Variants in FHIT observed in about 807,000 individuals in gnomAD.
FHIT encodes fragile histidine triad diadenosine triphosphatase.
In FHIT, 19 loss-of-function variants were observed where a neutral mutation model predicts 17.9. The ratio of observed to expected loss-of-function variants is 1.06; its 90% CI spans 0.74 to 1.56. FHIT has a LOEUF of 1.56. Ranked by LOEUF, FHIT falls within the 40% of genes most tolerant of loss-of-function variation. The pLI is 0.00. For synonymous variants in FHIT, 81 were observed against 69.7 expected (o/e 1.16, Z -0.81); for missense variants, 248 against 189.2 (o/e 1.31, Z -1.82).
At chr3:60,568,785 G>T (rs1272565223) in intron 4 of FHIT, among the ~76,000 whole-genome samples, 1 of 151,932 alleles carries the variant, frequency 6.6e-6, no homozygotes, top group Non-Finnish European at 1.5e-5. Context: ...TCATCTTTTT[G>T]AATTCGATCT....
chr3:60,391,190 A>C (rs1052590955), intron 5 of FHIT, among the ~76,000 whole-genome samples: 138 of 92,920 alleles, frequency 1.5e-3, no homozygotes, highest in Non-Finnish European at 2.4e-3. Flanking sequence ...CGTCTGACAA[A>C]ACAAAACAAA....
intron 8 of FHIT, among the ~76,000 whole-genome samples, chr3:59,810,860 A>C (rs1700385081): frequency 6.6e-6 from 1 of 152,196 alleles, no homozygotes; most frequent in Admixed American, 6.5e-5. Flanking sequence ...AATAAGACTG[A>C]GTCAGGTTTT....
chr3:60,937,618 C>A (rs963213307), intron 3 of FHIT, among the ~76,000 whole-genome samples: 2 of 133,282 alleles, frequency 1.5e-5, no homozygotes. Context: ...GGCTGGAGTG[C>A]AATGGTGAGG....
intron 5 of FHIT, among the ~76,000 whole-genome samples, chr3:60,124,043 G>A (rs1205662291): frequency 8.7e-6 from 1 of 115,504 alleles, no homozygotes; most frequent in Admixed American, 8.6e-5. Context: ...GAGAGAGAGA[G>A]AGAGAGAGAG....
At chr3:60,521,309 A>G (rs201233082) in intron 5 of FHIT, among the ~76,000 whole-genome samples, 67 of 152,080 alleles carry the variant, frequency 4.4e-4, no homozygotes, top group South Asian at 1.2e-3. Context: ...GTGCAATGGC[A>G]TGATCTCGGC....
chr3:60,733,879 G>C (rs1177086303), intron 4 of FHIT, among the ~76,000 whole-genome samples: 4 of 152,118 alleles, frequency 2.6e-5, no homozygotes, highest in African/African-American at 9.7e-5. Context: ...GTCTTGCTAG[G>C]ATAGAAGTTT....
chr3:60,558,897 A>G (rs1168524920), intron 4 of FHIT, among the ~76,000 whole-genome samples: 1 of 152,192 alleles, frequency 6.6e-6, no homozygotes, highest in Non-Finnish European at 1.5e-5. Flanking sequence ...CAGCCCTGAG[A>G]TGGTTCGATC....
At chr3:60,505,340 C>A (rs2034684758) in intron 5 of FHIT, among the ~76,000 whole-genome samples, 1 of 152,138 alleles carries the variant, frequency 6.6e-6, no homozygotes, top group Admixed American at 6.5e-5. Context: ...CAGCTTACTT[C>A]CATACCCCTA....
intron 5 of FHIT, among the ~76,000 whole-genome samples, chr3:60,037,139 C>G (rs1701250546): frequency 6.6e-6 from 1 of 152,172 alleles, no homozygotes; most frequent in Admixed American, 6.5e-5. Context: ...AAGTTTTAAC[C>G]TCATTCGTGA....
At chr3:60,317,374 A>T (rs1223624094) in intron 5 of FHIT, among the ~76,000 whole-genome samples, 1 of 151,700 alleles carries the variant, frequency 6.6e-6, no homozygotes, top group Non-Finnish European at 1.5e-5. Flanking sequence ...AAAATAAAAC[A>T]ATCCCTTTAC....
chr3:60,514,937 A>G (rs1205823906), intron 5 of FHIT, among the ~76,000 whole-genome samples: 5 of 151,870 alleles, frequency 3.3e-5, no homozygotes, highest in Non-Finnish European at 5.9e-5. Flanking sequence ...CCCTGGTGGG[A>G]AGCCAGGCTG....
At chr3:60,870,813 T>A (rs559905108) in intron 3 of FHIT, among the ~76,000 whole-genome samples, 1 of 152,046 alleles carries the variant, frequency 6.6e-6, no homozygotes, top group African/African-American at 2.4e-5. Flanking sequence ...ACTTGGGTAA[T>A]GTAATTCCGT....
At chr3:60,529,660 T>C (rs1018729559) in intron 5 of FHIT, among the ~76,000 whole-genome samples, 2 of 152,174 alleles carry the variant, frequency 1.3e-5, no homozygotes, top group African/African-American at 4.8e-5. Context: ...GTCAAAAATA[T>C]GCCCAGAATA....
chr3:61,217,806 C>A (rs2039727650), intron 1 of FHIT, among the ~76,000 whole-genome samples: 1 of 152,098 alleles, frequency 6.6e-6, no homozygotes, highest in African/African-American at 2.4e-5. Context: ...GAATATCAAA[C>A]AATAGATATC....
Position 59,748,627 on chromosome 3 carries a change from C to T in FHIT, c.*958G>A, listed in dbSNP as rs182990169. 1.3e-5 allele frequency among the ~76,000 whole-genome samples: 2 copies of T among 152,032 alleles called. No homozygotes were observed. Among genetic ancestry groups the T allele is most frequent in the Admixed American group, 6.6e-5 (1 of 15,256 alleles). On this transcript the variant is annotated 3_prime_UTR_variant, in exon 10 of 10. Coordinates refer to ENST00000492590, the MANE Select transcript of FHIT (RefSeq NM_002012.4). ...AGATAAGGTGAAGAGGCTAAGAAGA[C>T]TATTTGGAGGGTACAAGGGGAGATG...
At chr3:60,185,689 C>T (rs1455303543) in intron 5 of FHIT, among the ~76,000 whole-genome samples, 3 of 152,170 alleles carry the variant, frequency 2.0e-5, no homozygotes, top group Non-Finnish European at 4.4e-5. Context: ...TTGTAGGAAA[C>T]TGCAAAACTG....
chr3:60,532,392 A>G (rs942603015), intron 5 of FHIT, among the ~76,000 whole-genome samples: 4 of 152,298 alleles, frequency 2.6e-5, no homozygotes, highest in Admixed American at 6.5e-5. Context: ...AAGAAGAGAG[A>G]TAGACACAGC....
chr3:61,221,882 C>A (rs1294353443), intron 1 of FHIT, among the ~76,000 whole-genome samples: 1 of 152,208 alleles, frequency 6.6e-6, no homozygotes. Flanking sequence ...CAGACTGACC[C>A]AGCCTTGGGG....
intron 5 of FHIT, among the ~76,000 whole-genome samples, chr3:60,231,492 G>C (rs949678319): frequency 6.6e-6 from 1 of 152,168 alleles, no homozygotes; most frequent in Admixed American, 6.5e-5. Flanking sequence ...CACCACTGGT[G>C]AACTTTGACA....
Sources: allele counts gnomAD v4.1 joint callset (sites outside exome capture counted in the v4.1 genomes callset), GRCh38; gene constraint gnomAD v4.1.1; transcripts MANE v1.5; gene names NCBI Gene and HGNC (gene_info 2026-07-23, HGNC 2026-07-21).